RHPN2: variants seen among roughly 807,000 people sequenced by gnomAD.
RHPN2 encodes the protein rhophilin Rho GTPase binding protein 2.
Under a neutral mutation model 79.0 loss-of-function variants are expected in RHPN2, and 40 were observed. The observed-to-expected ratio is 0.51, with a 90% CI of 0.39 to 0.66. The LOEUF (loss-of-function observed/expected upper bound fraction) is 0.66, where lower values mean the gene tolerates loss of function less well. RHPN2 is among the 30% of genes least tolerant of loss of function. The probability of loss-of-function intolerance (pLI) is 0.00; values close to 1 mark genes in which losing one functional copy is unlikely to be tolerated. For synonymous variants in RHPN2, 285 were observed against 363.5 expected, an observed-to-expected ratio of 0.78 and a Z score of 2.46; for missense variants, 686 against 883.5, an observed-to-expected ratio of 0.78 and a Z score of 2.83.
chr19:33,004,525 T>A (rs1202500549), intron 7 of RHPN2, among the ~76,000 whole-genome samples: 3 of 152,132 alleles, frequency 2.0e-5, no homozygotes, highest in Non-Finnish European at 4.4e-5. Flanking sequence ...AATTTTATGT[T>A]CTGTGTTATT....
Position 33,032,114 on chromosome 19 carries a change from A to G in RHPN2, c.186-5482T>C, listed in dbSNP as rs1452702661. Among the ~76,000 whole-genome samples, 9 of 129,414 alleles carry G rather than the reference A, an allele frequency of 7.0e-5. No homozygotes were observed. The East Asian group carries it at 2.0e-3, about 29-fold the overall frequency. The allele number at this position is 129,414 out of a possible 152,430, so 84.9% of individuals were successfully genotyped here. A position where few individuals can be genotyped will look rare whatever the true frequency, so the allele number is the denominator to read the frequency against. On this transcript the variant is annotated intron_variant, in intron 2 of 14. Transcript: ENST00000254260. Reference sequence around the variant, plus strand: ...CAGCTCACTGCAACCTCCACCTCCCAGGTTCAAGCAATTCTCCTGCCTCAG... The same window carrying G: ...CAGCTCACTGCAACCTCCACCTCCCGGGTTCAAGCAATTCTCCTGCCTCAG...
intron 1 of RHPN2, among the ~76,000 whole-genome samples, chr19:33,062,959 A>G (rs887633139): frequency 3.3e-5 from 5 of 152,026 alleles, no homozygotes; most frequent in Non-Finnish European, 5.9e-5. Flanking sequence ...CACCCCTCAC[A>G]GGTGTGCTTC....
intron 2 of RHPN2, among the ~76,000 whole-genome samples, chr19:33,040,082 G>A (rs1212277455): frequency 6.6e-6 from 1 of 152,122 alleles, no homozygotes; most frequent in African/African-American, 2.4e-5. Flanking sequence ...CCTGATCCCT[G>A]TAAACCTCGG....
chr19:32,994,637 G>A (rs1971686775), intron 11 of RHPN2, among the ~76,000 whole-genome samples: 1 of 151,960 alleles, frequency 6.6e-6, no homozygotes, highest in Non-Finnish European at 1.5e-5. Flanking sequence ...ATACTTAAGG[G>A]GCTTAGTGGG....
At chr19:33,013,313 G>T (rs972383379) in intron 4 of RHPN2, among the ~76,000 whole-genome samples, 5 of 152,046 alleles carry the variant, frequency 3.3e-5, no homozygotes, top group African/African-American at 9.7e-5. Context: ...TCGTGCCTCA[G>T]CCTCCCAAGT....
chr19:32,981,176 G>A (rs1971571035), intron 14 of RHPN2, among the ~76,000 whole-genome samples: 2 of 152,008 alleles, frequency 1.3e-5, no homozygotes, highest in Non-Finnish European at 2.9e-5. Flanking sequence ...TTTAAGCTTA[G>A]GAGCCACAAC....
chr19:33,007,954 T>A, intron 7 of RHPN2, 60 bp downstream of exon 7: 4 of 1,585,298 alleles, frequency 2.5e-6, no homozygotes, highest in African/African-American at 1.3e-5. Flanking sequence ...CAGTGGGGGG[T>A]CCCCTGGTGC....
At chr19:32,997,328 G>A (rs1245213339) in intron 10 of RHPN2, among the ~76,000 whole-genome samples, 1 of 152,164 alleles carries the variant, frequency 6.6e-6, no homozygotes, top group Non-Finnish European at 1.5e-5. Context: ...CCACATTCAT[G>A]GAGTTTACAT....
chr19:33,063,121 C>T (rs945655746), intron 1 of RHPN2, among the ~76,000 whole-genome samples: 2 of 152,038 alleles, frequency 1.3e-5, no homozygotes, highest in Non-Finnish European at 1.5e-5. Context: ...CCCCGGGGCC[C>T]GAGGACAGAC....
At position 32,981,417 on chromosome 19, in the gene RHPN2, A is replaced by AGGGGG. The variant is rs71176176; in HGVS notation, c.1801-1166_1801-1162dup. 4.8e-3 allele frequency among the ~76,000 whole-genome samples: 201 copies of AGGGGG among 42,314 alleles called. 3 individuals are homozygous for AGGGGG. The highest frequency in any genetic ancestry group is 6.8e-3 in the Non-Finnish European group (168 of 24,780). The allele number at this position is 42,314 out of a possible 152,430, so 27.8% of individuals were successfully genotyped here. A position where few individuals can be genotyped will look rare whatever the true frequency, so the allele number is the denominator to read the frequency against. On this transcript the variant is annotated intron_variant, in intron 14 of 14. Coordinates refer to ENST00000254260, the MANE Select transcript of RHPN2 (RefSeq NM_033103.5). ...GACCTCTGTCTCAAAATAAAAAAAA[A>AGGGGG]GGGGGGGGGCGGGGGGAAGGGAAGA...
intron 2 of RHPN2, among the ~76,000 whole-genome samples, chr19:33,030,579 C>A (rs761715869): frequency 1.3e-5 from 2 of 151,904 alleles, no homozygotes; most frequent in Non-Finnish European, 2.9e-5. Context: ...GGTGACAGAG[C>A]AAGACTCCAT....
intron 2 of RHPN2, among the ~76,000 whole-genome samples, chr19:33,039,201 C>G (rs539309262): frequency 2.0e-5 from 3 of 152,124 alleles, no homozygotes; most frequent in African/African-American, 7.2e-5. Flanking sequence ...TGTCCCATCC[C>G]CTGCTGAGGT....
At chr19:33,038,719 G>C (rs1203396259) in intron 2 of RHPN2, among the ~76,000 whole-genome samples, 1 of 152,018 alleles carries the variant, frequency 6.6e-6, no homozygotes, top group Non-Finnish European at 1.5e-5. Flanking sequence ...GTGCAATGGC[G>C]CGATCTCGGC....
chr19:32,999,460 T>C (rs1971730695), intron 10 of RHPN2, 126 bp downstream of exon 10: 2 of 1,210,352 alleles, frequency 1.7e-6, no homozygotes, highest in Non-Finnish European at 2.3e-6. Flanking sequence ...GAACCCAAAG[T>C]GGCCACGATG....
intron 6 of RHPN2, among the ~76,000 whole-genome samples, chr19:33,010,648 G>T (rs1227790232): frequency 6.6e-6 from 1 of 151,850 alleles, no homozygotes; most frequent in Non-Finnish European, 1.5e-5. Flanking sequence ...CTCCCAAAGT[G>T]CTGGGATTAC....
chr19:33,017,786 C>T (rs975172348), intron 4 of RHPN2, among the ~76,000 whole-genome samples: 2 of 150,864 alleles, frequency 1.3e-5, no homozygotes, highest in Non-Finnish European at 2.9e-5. Context: ...TTTGGAAGGC[C>T]GAGGTGGGCG....
chr19:32,982,645 C>T (rs1274970465), intron 14 of RHPN2, among the ~76,000 whole-genome samples: 2 of 152,044 alleles, frequency 1.3e-5, no homozygotes, highest in African/African-American at 2.4e-5. Flanking sequence ...TCCCAACCCT[C>T]AGCTGCTCAA....
In RHPN2 at chr19:33,011,716, A is replaced by T. The variant is rs1272899374; in HGVS notation, c.556T>A (p.Phe186Ile). ...IQLGFVESRF[F>I]PPTRQMGLLF... ...AGTCCCATCTGCCGTGTGGGCGGGA[A>T]GAATCGACTCTCGACAAAGCCCAGC... The change falls in exon 6 of 15, where the codon TTC becomes ATC. Residue 186 changes from phenylalanine to isoleucine, a missense_variant. Coordinates refer to ENST00000254260, the MANE Select transcript of RHPN2 (RefSeq NM_033103.5). 4 of 1,613,942 alleles carry T rather than the reference A, an allele frequency of 2.5e-6. No homozygotes were observed. The highest frequency in any genetic ancestry group is 3.4e-6 in the Non-Finnish European group (4 of 1,179,842).
At chr19:32,984,598 C>T (rs917537810) in intron 14 of RHPN2, among the ~76,000 whole-genome samples, 3 of 151,798 alleles carry the variant, frequency 2.0e-5, no homozygotes, top group African/African-American at 2.4e-5. Context: ...GGTGAGGTTG[C>T]AGTGAGCCAA....
Sources: allele counts gnomAD v4.1 joint callset (sites outside exome capture counted in the v4.1 genomes callset), GRCh38; gene constraint gnomAD v4.1.1; transcripts MANE v1.5; gene names NCBI Gene and HGNC (gene_info 2026-07-23, HGNC 2026-07-21).